The following AGBL4 variants were observed in gnomAD, a reference collection of about 807,000 sequenced individuals.
The protein encoded by AGBL4 is cytosolic carboxypeptidase 6.
In AGBL4, 58 loss-of-function variants were observed where a neutral mutation model predicts 66.4. That is an observed-to-expected ratio of 0.87 (90% CI 0.71 to 1.09). AGBL4 has a LOEUF of 1.09. Among genes scored for constraint, AGBL4 ranks in the 50% least tolerant of loss-of-function variants. The probability of loss-of-function intolerance (pLI) is 0.00; values close to 1 mark genes in which losing one functional copy is unlikely to be tolerated. For synonymous variants in AGBL4, 234 were observed against 222.9 expected, an observed-to-expected ratio of 1.05 and a Z score of -0.44; for missense variants, 579 against 631.0, an observed-to-expected ratio of 0.92 and a Z score of 0.88.
At chr1:48,702,539 G>A (rs556954437) in intron 6 of AGBL4, among the ~76,000 whole-genome samples, 4 of 152,122 alleles carry the variant, frequency 2.6e-5, no homozygotes, top group Admixed American at 1.3e-4. Flanking sequence ...TGAACCAACC[G>A]CCTTGGCCTC....
chr1:48,595,069 A>T (rs528319479), intron 9 of AGBL4, among the ~76,000 whole-genome samples: 1 of 152,322 alleles, frequency 6.6e-6, no homozygotes, highest in East Asian at 1.9e-4. Flanking sequence ...ATTGTTTATT[A>T]TAGAAGCTAA....
intron 8 of AGBL4, among the ~76,000 whole-genome samples, chr1:48,650,442 CA>C (rs1645908286): frequency 7.8e-6 from 1 of 127,806 alleles, no homozygotes. Flanking sequence ...TTCTGAGAAC[CA>C]ACCTTCCTTC....
intron 3 of AGBL4, among the ~76,000 whole-genome samples, chr1:49,590,321 AC>A (rs1644728095): frequency 6.6e-6 from 1 of 151,934 alleles, no homozygotes; most frequent in Non-Finnish European, 1.5e-5. Flanking sequence ...AGAATATAAC[AC>A]TAATGAAAAA....
In AGBL4 at chr1:49,697,220, T is replaced by C; in HGVS notation, c.282+93A>G. 7 of 1,338,170 alleles carry C rather than the reference T, an allele frequency of 5.2e-6. No homozygotes were observed. The South Asian group carries it at 9.8e-5, about 19-fold the overall frequency. 82.9% of individuals were successfully genotyped at this position (1,338,170 alleles called of 1,614,324 possible). On this transcript the variant is annotated intron_variant, in intron 3 of 13. Coordinates refer to ENST00000371839, the MANE Select transcript of AGBL4 (RefSeq NM_032785.4). ...GCTGTGGATAAACAAGAATATATTC[T>C]TAATATAGTCATTATTTTGATATTT...
At chr1:49,325,101 C>A (rs921669368) in intron 3 of AGBL4, among the ~76,000 whole-genome samples, 1 of 152,204 alleles carries the variant, frequency 6.6e-6, no homozygotes, top group African/African-American at 2.4e-5. Flanking sequence ...TGGCTCACTG[C>A]AAGCTCCACC....
intron 2 of AGBL4, among the ~76,000 whole-genome samples, chr1:49,848,395 A>C (rs1646212505): frequency 6.6e-6 from 1 of 152,226 alleles, no homozygotes; most frequent in Non-Finnish European, 1.5e-5. Context: ...TACTATTCAC[A>C]ATAGCAAAGA....
chr1:49,515,121 T>A (rs1649665342), intron 3 of AGBL4, among the ~76,000 whole-genome samples: 1 of 152,066 alleles, frequency 6.6e-6, no homozygotes, highest in Admixed American at 6.6e-5. Flanking sequence ...TGGGAGAAGA[T>A]TTTTGCAATC....
At chr1:49,137,182 T>G (rs180779011) in intron 4 of AGBL4, among the ~76,000 whole-genome samples, 1 of 152,266 alleles carries the variant, frequency 6.6e-6, no homozygotes, top group Admixed American at 6.5e-5. Flanking sequence ...TCAGAGACAT[T>G]ACATAATCTT....
At chr1:49,981,668 C>G (rs1659067985) in intron 1 of AGBL4, among the ~76,000 whole-genome samples, 1 of 152,134 alleles carries the variant, frequency 6.6e-6, no homozygotes, top group African/African-American at 2.4e-5. Flanking sequence ...TATTTAACAT[C>G]TCTGCGCCTT....
At chr1:49,287,940 A>C (rs1306557669) in intron 3 of AGBL4, among the ~76,000 whole-genome samples, 2 of 136,456 alleles carry the variant, frequency 1.5e-5, no homozygotes, top group Admixed American at 7.6e-5. Context: ...CATTATTCAC[A>C]ATAGCAAAGA....
chr1:48,762,614 TTGTG>T (rs58396843), intron 6 of AGBL4, among the ~76,000 whole-genome samples: 1,353 of 75,168 alleles, frequency 0.018, 16 homozygotes, highest in African/African-American at 0.036. Context: ...TTTAAGGGTT[TTGTG>T]TGTGTGTGTG....
rs571804196 is a variant in AGBL4 at position 49,625,633 on chromosome 1, G to A, written c.282+71680C>T. ...TAGATTTCTGTTACTGAACCCCAAG[G>A]AGCACAAATCATATCTTCTTCAAAG... On this transcript the variant is annotated intron_variant, in intron 3 of 13. Coordinates refer to ENST00000371839, the MANE Select transcript of AGBL4 (RefSeq NM_032785.4). Among the ~76,000 whole-genome samples, 23 of 152,222 alleles carry A rather than the reference G, an allele frequency of 1.5e-4. No individual in the cohort carries two copies. In the East Asian group the frequency reaches 3.7e-3, roughly 24 times the overall value.
At chr1:48,657,910 CT>C (rs1646046301) in intron 7 of AGBL4, among the ~76,000 whole-genome samples, 2 of 152,324 alleles carry the variant, frequency 1.3e-5, no homozygotes, top group African/African-American at 4.8e-5. Flanking sequence ...TTAAGTCTGT[CT>C]TCCCTCCAGG....
At chr1:49,343,288 A>C (rs1205734228) in intron 3 of AGBL4, among the ~76,000 whole-genome samples, 1 of 152,146 alleles carries the variant, frequency 6.6e-6, no homozygotes, top group Non-Finnish European at 1.5e-5. Context: ...AATCCCAAGA[A>C]TTGAAAGCAG....
At chr1:48,612,458 G>C (rs889708908) in intron 9 of AGBL4, among the ~76,000 whole-genome samples, 2 of 152,192 alleles carry the variant, frequency 1.3e-5, no homozygotes, top group African/African-American at 2.4e-5. Flanking sequence ...TACATGAATG[G>C]TTCAGAATCC....
intron 4 of AGBL4, among the ~76,000 whole-genome samples, chr1:49,163,510 G>A (rs1036004418): frequency 4.6e-5 from 7 of 152,122 alleles, no homozygotes; most frequent in Admixed American, 6.5e-5. Context: ...TATTGTTAGC[G>A]TATGTTTACA....
At chr1:49,402,147 T>A (rs1645099585) in intron 3 of AGBL4, among the ~76,000 whole-genome samples, 1 of 152,194 alleles carries the variant, frequency 6.6e-6, no homozygotes, top group Admixed American at 6.5e-5. Context: ...ATTGACTTTT[T>A]GTGTTGTTTT....
intron 11 of AGBL4, among the ~76,000 whole-genome samples, chr1:48,564,877 G>A (rs763311575): frequency 1.4e-4 from 22 of 152,186 alleles, no homozygotes; most frequent in Non-Finnish European, 2.2e-4. Context: ...CCCTCCATCT[G>A]TAACCTGACT....
chr1:49,443,706 A>G (rs1337538133), intron 3 of AGBL4, among the ~76,000 whole-genome samples: 3 of 151,526 alleles, frequency 2.0e-5, no homozygotes, highest in Non-Finnish European at 4.4e-5. Context: ...GTGAGCCTCC[A>G]GCCTTGTTCT....
Sources: gnomAD v4.1 joint callset for allele counts (sites outside exome capture counted in the v4.1 genomes callset) on GRCh38, gnomAD v4.1.1 for gene constraint, MANE v1.5 for transcripts, NCBI Gene and HGNC (gene_info 2026-07-23, HGNC 2026-07-21) for gene names.